Variants in CNPY4 observed in about 807,000 individuals in gnomAD.
CNPY4 encodes canopy FGF signaling regulator 4.
In CNPY4, 33 loss-of-function variants were observed where a neutral mutation model predicts 30.1. The observed-to-expected ratio is 1.10, with a 90% confidence interval of 0.83 to 1.46. The LOEUF (loss-of-function observed/expected upper bound fraction) is 1.46. Among genes scored for constraint, CNPY4 ranks in the 40% most tolerant of loss-of-function variants. The pLI is 0.00. For missense variants in CNPY4, 324 were observed against 302.6 expected, an observed-to-expected ratio of 1.07 and a Z score of -0.52; for synonymous variants, 109 against 110.1, an observed-to-expected ratio of 0.99 and a Z score of 0.06.
rs780840644 is a variant in CNPY4, at chr7:100,122,327, G to A, written c.187G>A (p.Glu63Lys). Reference sequence around the variant, plus strand: ...CACCGGTCGATCTCGAGAGGTGCTGGAGCTGGGGCAGGTGCTGGATACAGG... The same window carrying A: ...CACCGGTCGATCTCGAGAGGTGCTGAAGCTGGGGCAGGTGCTGGATACAGG... ...SRTGRSREVL[E>K]LGQVLDTGKR... is the part of the protein sequence containing the mutation. Residue 63 changes from glutamate (E) to lysine (K), a missense_variant, in exon 2 of 6, where the codon GAG becomes AAG. By Grantham distance (56) the Glu-to-Lys change is moderately conservative. Coordinates refer to ENST00000262932, the MANE Select transcript of CNPY4 (RefSeq NM_152755.2). The A allele has an allele frequency of 7.6e-5, 122 of 1,614,146 alleles. No individual in the cohort carries two copies. Among genetic ancestry groups the A allele is most frequent in the Non-Finnish European group, 1.0e-4 (120 of 1,180,034 alleles).
intron 1 of CNPY4, among the ~76,000 whole-genome samples, chr7:100,121,783 G>C (rs1311559433): frequency 6.6e-6 from 1 of 150,912 alleles, no homozygotes; most frequent in South Asian, 2.2e-4. Context: ...GGGCGTGGTG[G>C]CTCACGCCTG....
intron 1 of CNPY4, chr7:100,121,110 A>ATTTTTTTTTTTT (rs1798036782): frequency 3.5e-4 from 10 of 28,390 alleles, no homozygotes; most frequent in Non-Finnish European, 6.2e-4. Context: ...ATATATATAT[A>ATTTTTTTTTTTT]TATATATTTT....
In CNPY4 at chr7:100,122,897, CAAG is replaced by C; in HGVS notation, c.460_462del (p.Lys154del). Reference sequence around the variant, plus strand: ...AGCCCAGCGTGGAGGTCACATACCTCAAGAAGCAGGTAGGATAAGACACTGCAC... The same window carrying C: ...AGCCCAGCGTGGAGGTCACATACCTCAAGCAGGTAGGATAAGACACTGCAC... On this transcript the variant is annotated inframe_deletion, in exon 4 of 6. Coordinates refer to ENST00000262932, the MANE Select transcript of CNPY4 (RefSeq NM_152755.2). The C allele has an allele frequency of 8.7e-6, 14 of 1,612,498 alleles. No individual in the cohort carries two copies. The highest frequency in any genetic ancestry group is 1.2e-5 in the Non-Finnish European group (14 of 1,179,412).
intron 1 of CNPY4, chr7:100,120,371 T>C (rs191311822): frequency 6.6e-6 from 1 of 152,584 alleles, no homozygotes; most frequent in Admixed American, 6.5e-5. Context: ...ACTAGGAGAG[T>C]GTCCCCATCC....
Position 100,119,733 on chromosome 7 carries a change from C to T in CNPY4, c.-12C>T. 1 of 1,614,120 alleles carries T rather than the reference C, an allele frequency of 6.2e-7. No individual in the cohort carries two copies. The highest frequency in any genetic ancestry group is 2.2e-5 in the East Asian group (1 of 44,874). On this transcript the variant is annotated 5_prime_UTR_variant, in exon 1 of 6. In the 5' UTR this introduces an upstream ATG that the reference lacks. Coordinates refer to ENST00000262932, the MANE Select transcript of CNPY4 (RefSeq NM_152755.2). ...AAGGCAAGCGGTGATTGTTTGTAGA[C>T]GGCGCTTTGTCATGGGACCTGTGCG... is the stretch of plus-strand genomic sequence containing the variant.
intron 1 of CNPY4, 130 bp from the exon 2 acceptor site, chr7:100,122,129 A>G: frequency 1.8e-6 from 2 of 1,135,126 alleles, no homozygotes; most frequent in Non-Finnish European, 2.5e-6. Flanking sequence ...TGGCTGAGCC[A>G]GGATTCCAAC....
At chr7:100,124,175 C>T (rs1452917746) in intron 4 of CNPY4, among the ~76,000 whole-genome samples, 1 of 151,662 alleles carries the variant, frequency 6.6e-6, no homozygotes, top group East Asian at 1.9e-4. Context: ...TAATGATATC[C>T]ACCATCACTT....
rs745622619 is a variant in CNPY4 at position 100,122,223 on chromosome 7, T to C, written c.119-36T>C. The C allele has an allele frequency of 5.0e-6, 8 of 1,612,058 alleles. No homozygotes were observed. The South Asian group carries it at 8.8e-5, about 18-fold the overall frequency. On this transcript the variant is annotated intron_variant, in intron 1 of 5. Transcript: ENST00000262932. ...AGAATGAATGGCTGGTGTGTTTGTC[T>C]TTTACCTCCCCCCGGACGTTTCTCC...
At chr7:100,122,678 G>A in intron 3 of CNPY4, 101 bp downstream of exon 3, 1 of 1,518,808 alleles carries the variant, frequency 6.6e-7, no homozygotes, top group Non-Finnish European at 9.0e-7. Flanking sequence ...CACCATCATG[G>A]AACTCACCCT....
At chr7:100,121,592 G>A (rs910884659) in intron 1 of CNPY4, among the ~76,000 whole-genome samples, 5 of 151,718 alleles carry the variant, frequency 3.3e-5, no homozygotes, top group South Asian at 2.1e-4. Flanking sequence ...TTACAGGTGC[G>A]CACCACCACA....
rs536929052 is a variant in CNPY4 at position 100,122,830 on chromosome 7, G to A, written c.389G>A (p.Gly130Glu). ...MATLKGLVQK[G>E]VKVDLGIPLE... is the part of the protein sequence containing the mutation. ...ACACTGAAAGGCCTAGTGCAGAAGG[G>A]GGTGAAGGTGGATCTGGGGATCCCT... The change falls in exon 4 of 6, where the codon GGG (glycine) becomes GAG (glutamate). Residue 130 changes from glycine (G) to glutamate (E), a missense_variant. Coordinates refer to ENST00000262932, the MANE Select transcript of CNPY4 (RefSeq NM_152755.2). The A allele has an allele frequency of 4.3e-6, 7 of 1,614,030 alleles. No homozygotes were observed. The African/African-American group carries it at 6.7e-5, about 15-fold the overall frequency.
chr7:100,121,877 T>C (rs10240965), intron 1 of CNPY4, among the ~76,000 whole-genome samples: 54,791 of 150,912 alleles, frequency 0.36, 10,204 homozygotes, highest in Non-Finnish European at 0.39. Context: ...GGTGAAACCC[T>C]GTCTCTACTA....
chr7:100,124,576 G>C lies in CNPY4; in HGVS notation c.528G>C (p.Glu176Asp). ...GAGACTGGTACTTCCACCATCAGGAGCAGCCCCTACAAAATTTTCTCTGTG... is the reference window on the plus strand; with the variant it reads ...GAGACTGGTACTTCCACCATCAGGACCAGCCCCTACAAAATTTTCTCTGTG... The part of the protein sequence containing the change: ...IVGDWYFHHQ[E>D]QPLQNFLCEG... The change falls in exon 5 of 6, where the codon GAG (glutamate) becomes GAC (aspartate). Residue 176 changes from glutamate to aspartate, a missense_variant. Coordinates refer to ENST00000262932, the MANE Select transcript of CNPY4 (RefSeq NM_152755.2). 1.2e-6 allele frequency: 2 copies of C among 1,613,232 alleles called. No individual in the cohort carries two copies. The highest frequency in any genetic ancestry group is 2.2e-5 in the South Asian group (2 of 91,010).
At chr7:100,120,400 G>C (rs1399863609) in intron 1 of CNPY4, 2 of 152,344 alleles carry the variant, frequency 1.3e-5, no homozygotes, top group African/African-American at 2.4e-5. Flanking sequence ...TTTGCAGACG[G>C]TGCGTACTAT....
chr7:100,122,095 G>A (rs1485092543), intron 1 of CNPY4, 164 bp from the exon 2 acceptor site: 1 of 692,618 alleles, frequency 1.4e-6, no homozygotes, highest in Non-Finnish European at 2.3e-6. Flanking sequence ...CAGCAAGCAG[G>A]AAGATTGCCA....
chr7:100,122,686 C>G (rs76702812), intron 3 of CNPY4, 98 bp from the exon 4 acceptor site: 52,251 of 1,529,366 alleles, frequency 0.034, 1,015 homozygotes, highest in Middle Eastern at 0.052. Flanking sequence ...TGGAACTCAC[C>G]CTTGAATCTC....
chr7:100,121,112 ATATATTTTTTTTTTTTTTTTT>A (rs1397727703), intron 1 of CNPY4: 4 of 30,706 alleles, frequency 1.3e-4, no homozygotes, highest in Non-Finnish European at 2.3e-4. Flanking sequence ...ATATATATAT[ATATATTTTTTTTTTTTTTTTT>A]TTTTTTTTTT....
Position 100,124,587 on chromosome 7 carries a change from A to G in CNPY4, c.539A>G (p.Gln180Arg). The change falls in exon 5 of 6, where the codon CAA (glutamine) becomes CGA (arginine). Residue 180 changes from glutamine (Q) to arginine (R), a missense_variant. Physicochemically the swap from Gln to Arg is conservative, Grantham distance 43. Coordinates refer to ENST00000262932, the MANE Select transcript of CNPY4 (RefSeq NM_152755.2). ...TTCCACCATCAGGAGCAGCCCCTAC[A>G]AAATTTTCTCTGTGAAGGTCATGTG... Reference protein sequence around the residue: ...WYFHHQEQPLQNFLCEGHVLP... With the variant: ...WYFHHQEQPLRNFLCEGHVLP... 6.2e-7 allele frequency: 1 copy of G among 1,613,388 alleles called. No individual in the cohort carries two copies. Among genetic ancestry groups the G allele is most frequent in the Non-Finnish European group, 8.5e-7 (1 of 1,179,906 alleles).
chr7:100,124,406 C>A (rs1191088563), intron 4 of CNPY4, 108 bp from the exon 5 acceptor site: 1 of 803,774 alleles, frequency 1.2e-6, no homozygotes, highest in Non-Finnish European at 2.1e-6. Context: ...ACTTAGCTTC[C>A]TGGCTACCTG....
Sources: gnomAD v4.1 joint callset for allele counts (sites outside exome capture counted in the v4.1 genomes callset) on GRCh38, gnomAD v4.1.1 for gene constraint, MANE v1.5 for transcripts, NCBI Gene and HGNC (gene_info 2026-07-23, HGNC 2026-07-21) for gene names.